The following NOS1 variants were observed in gnomAD, a reference collection of about 807,000 sequenced individuals.
NOS1 encodes the protein nitric oxide synthase 1.
A neutral mutation model predicts 164.5 loss-of-function variants in NOS1; 51 were observed. The observed-to-expected ratio is 0.31, with a 90% confidence interval of 0.25 to 0.39. The LOEUF (loss-of-function observed/expected upper bound fraction) is 0.39, where lower values mean the gene tolerates loss of function less well. Among genes scored for constraint, NOS1 ranks in the 10% least tolerant of loss-of-function variants. The pLI, the probability that NOS1 is intolerant of heterozygous loss-of-function variation, is 1.00. For missense variants in NOS1, 1,362 were observed against 1,885.6 expected (o/e 0.72, Z 5.14); for synonymous variants, 719 against 745.8 (o/e 0.96, Z 0.59).
chr12:117,262,961 C>A (rs189498437), intron 13 of NOS1, among the ~76,000 whole-genome samples: 1 of 152,234 alleles, frequency 6.6e-6, no homozygotes, highest in East Asian at 1.9e-4. Context: ...TTGTCACCTC[C>A]TCCAGGAAGC....
At chr12:117,340,399 G>A (rs948599103) in intron 1 of NOS1, among the ~76,000 whole-genome samples, 2 of 152,210 alleles carry the variant, frequency 1.3e-5, no homozygotes, top group African/African-American at 4.8e-5. Flanking sequence ...TTGGCTTTGT[G>A]ATCGTGGGCA....
At chr12:117,343,329 A>T (rs1358693452) in intron 1 of NOS1, among the ~76,000 whole-genome samples, 7 of 152,156 alleles carry the variant, frequency 4.6e-5, no homozygotes, top group Non-Finnish European at 7.4e-5. Context: ...GAATGAATGA[A>T]ATTCATTTCA....
At chr12:117,318,771 C>T (rs559604246) in intron 2 of NOS1, among the ~76,000 whole-genome samples, 4 of 152,170 alleles carry the variant, frequency 2.6e-5, no homozygotes, top group Non-Finnish European at 4.4e-5. Flanking sequence ...CTGCCTGTTC[C>T]GGCCAACCAG....
chr12:117,289,410 A>T (rs1264088562), intron 4 of NOS1, among the ~76,000 whole-genome samples: 1 of 152,216 alleles, frequency 6.6e-6, no homozygotes, highest in African/African-American at 2.4e-5. Context: ...AGACTGTAAG[A>T]GTTGAAGAAG....
Position 117,212,613 on chromosome 12 carries a change from C to G in NOS1, c.*2696G>C. On this transcript the variant is annotated 3_prime_UTR_variant, in exon 29 of 29. Coordinates refer to ENST00000317775, the MANE Select transcript of NOS1 (RefSeq NM_000620.5). ...TCACTTTTGTGAAATGGGGCTGGAG[C>G]TGCTACTGGTCAATTCAGGGGGAAG... 2 of 985,462 alleles carry G rather than the reference C, an allele frequency of 2.0e-6. No individual in the cohort carries two copies. The highest frequency in any genetic ancestry group is 2.4e-6 in the Non-Finnish European group (2 of 829,946). 61.0% of individuals were successfully genotyped at this position (985,462 alleles called of 1,614,324 possible).
At position 117,212,893 on chromosome 12, in the gene NOS1, C is replaced by T; in HGVS notation, c.*2416G>A. Reference sequence around the variant, plus strand: ...GGAATTCTGGCAAATGAAAGAAACACATCAGATCGCTCTCCTGCCTTCTAG... The same window carrying T: ...GGAATTCTGGCAAATGAAAGAAACATATCAGATCGCTCTCCTGCCTTCTAG... On this transcript the variant is annotated 3_prime_UTR_variant, in exon 29 of 29. Coordinates refer to ENST00000317775, the MANE Select transcript of NOS1 (RefSeq NM_000620.5). The T allele has an allele frequency of 1.0e-6, 1 of 985,388 alleles. No individual in the cohort carries two copies. The highest frequency in any genetic ancestry group is 1.2e-6 in the Non-Finnish European group (1 of 829,918). 61.0% of individuals were successfully genotyped at this position (985,388 alleles called of 1,614,324 possible).
intron 3 of NOS1, among the ~76,000 whole-genome samples, chr12:117,302,895 G>T (rs1873921539): frequency 6.6e-6 from 1 of 151,986 alleles, no homozygotes; most frequent in African/African-American, 2.4e-5. Context: ...ACAGGCACAC[G>T]CCACCAAGCC....
chr12:117,360,766 C>T (rs1037137902), intron 1 of NOS1, among the ~76,000 whole-genome samples: 1 of 152,190 alleles, frequency 6.6e-6, no homozygotes, highest in Non-Finnish European at 1.5e-5. Flanking sequence ...CCGAGGAAGG[C>T]GTAAAGTTGA....
intron 21 of NOS1, among the ~76,000 whole-genome samples, 193 bp from the exon 22 acceptor site, chr12:117,232,324 A>C (rs753858461): frequency 6.6e-6 from 1 of 152,188 alleles, no homozygotes; most frequent in Non-Finnish European, 1.5e-5. Flanking sequence ...CAAATCCCAA[A>C]TTAGGCAAAT....
At chr12:117,276,688 ATTG>A (rs1248022073) in intron 9 of NOS1, among the ~76,000 whole-genome samples, 2 of 149,580 alleles carry the variant, frequency 1.3e-5, no homozygotes, top group Admixed American at 1.3e-4. Context: ...CATGAGCTCT[ATTG>A]TTTTCATTTT....
Position 117,211,690 on chromosome 12 carries a change from A to G in NOS1, c.*3619T>C, listed in dbSNP as rs924731273. The G allele has an allele frequency of 1.1e-5, 11 of 985,364 alleles. No homozygotes were observed. The highest frequency in any genetic ancestry group is 1.3e-5 in the Non-Finnish European group (11 of 830,034). The allele number at this position is 985,364 out of a possible 1,614,324, so 61.0% of individuals were successfully genotyped here. On this transcript the variant is annotated 3_prime_UTR_variant, in exon 29 of 29. Transcript: ENST00000317775. ...AATTCCTGGACAACTCTTACCTTCCAGAAGCTACCAGTGAAATCCCGCCCA... is the reference window on the plus strand; with the variant it reads ...AATTCCTGGACAACTCTTACCTTCCGGAAGCTACCAGTGAAATCCCGCCCA...
chr12:117,353,000 T>A (rs573932137), intron 1 of NOS1, among the ~76,000 whole-genome samples: 1 of 152,242 alleles, frequency 6.6e-6, no homozygotes, highest in African/African-American at 2.4e-5. Flanking sequence ...TCTTTCTCTA[T>A]CAGTCATCTA....
chr12:117,214,923 T>G lies in NOS1; in HGVS notation c.*386A>C. 1 of 1,029,628 alleles carries G rather than the reference T, an allele frequency of 9.7e-7. No individual in the cohort carries two copies. Among genetic ancestry groups the G allele is most frequent in the Non-Finnish European group, 1.2e-6 (1 of 859,284 alleles). The allele number at this position is 1,029,628 out of a possible 1,614,324, so 63.8% of individuals were successfully genotyped here. Reference sequence around the variant, plus strand: ...AAGGAGAAAGGGGGACTTCAGTGGCTGAGGGACTGGCTCAGAGAGCTTGTG... The same window carrying G: ...AAGGAGAAAGGGGGACTTCAGTGGCGGAGGGACTGGCTCAGAGAGCTTGTG... On this transcript the variant is annotated 3_prime_UTR_variant, in exon 29 of 29. Transcript: ENST00000317775.
At chr12:117,270,857 G>A (rs1293827900) in intron 10 of NOS1, among the ~76,000 whole-genome samples, 2 of 152,164 alleles carry the variant, frequency 1.3e-5, no homozygotes, top group Admixed American at 1.3e-4. Flanking sequence ...CCAACATGGT[G>A]AAACCTCATC....
intron 7 of NOS1, among the ~76,000 whole-genome samples, chr12:117,283,391 T>C (rs1429147872): frequency 6.6e-6 from 1 of 152,146 alleles, no homozygotes; most frequent in Non-Finnish European, 1.5e-5. Context: ...ACAGTTCTCA[T>C]CGCTTTCAGA....
intron 9 of NOS1, among the ~76,000 whole-genome samples, chr12:117,277,127 C>T (rs577367951): frequency 1.3e-5 from 2 of 152,214 alleles, no homozygotes; most frequent in African/African-American, 4.8e-5. Flanking sequence ...TCCCTTTTCT[C>T]TACATCTTCA....
chr12:117,278,242 C>T, intron 8 of NOS1, 144 bp from the exon 9 acceptor site: 1 of 896,632 alleles, frequency 1.1e-6, no homozygotes, highest in Non-Finnish European at 1.6e-6. Flanking sequence ...TGGACCACAT[C>T]ACCTGCTTTA....
chr12:117,208,215 G>T lies in NOS1; in HGVS notation c.*7094C>A. 1 of 1,154,636 alleles carries T rather than the reference G, an allele frequency of 8.7e-7. No individual in the cohort carries two copies. Among genetic ancestry groups the T allele is most frequent in the Non-Finnish European group, 1.1e-6 (1 of 889,320 alleles). The allele number at this position is 1,154,636 out of a possible 1,614,324, so 71.5% of individuals were successfully genotyped here. A position where few individuals can be genotyped will look rare whatever the true frequency, so the allele number is the denominator to read the frequency against. ...GGCTTTTGTTGAATCCCATAAAATT[G>T]GAAGATGAGAACTATACAGAAGAAG... On this transcript the variant is annotated 3_prime_UTR_variant, in exon 29 of 29. Coordinates refer to ENST00000317775, the MANE Select transcript of NOS1 (RefSeq NM_000620.5).
intron 1 of NOS1, among the ~76,000 whole-genome samples, chr12:117,352,189 A>ATACG (rs1876651952): frequency 6.7e-6 from 1 of 149,430 alleles, no homozygotes; most frequent in African/African-American, 2.5e-5. Flanking sequence ...ACATACATAC[A>ATACG]TACATACATA....
Sources: gnomAD v4.1 joint callset for allele counts (sites outside exome capture counted in the v4.1 genomes callset) on GRCh38, gnomAD v4.1.1 for gene constraint, MANE v1.5 for transcripts, NCBI Gene and HGNC (gene_info 2026-07-23, HGNC 2026-07-21) for gene names.